The following STOX2 variants were observed in gnomAD, a reference collection of about 807,000 sequenced individuals.
STOX2 encodes the protein storkhead-box protein 2.
STOX2 carries 28 observed loss-of-function variants against 60.9 expected under a neutral mutation model. That is an observed-to-expected ratio of 0.46 (90% CI 0.34 to 0.63). STOX2 has a LOEUF of 0.63. Ranked by LOEUF, STOX2 falls within the 30% of genes least tolerant of loss-of-function variation. STOX2 has a pLI of 0.01. For missense variants in STOX2, 1,024 were observed against 1,187.7 expected, an observed-to-expected ratio of 0.86 and a Z score of 2.03; for synonymous variants, 472 against 463.9, an observed-to-expected ratio of 1.02 and a Z score of -0.22.
intron 1 of STOX2, among the ~76,000 whole-genome samples, chr4:183,829,703 C>T (rs1739521968): frequency 6.6e-6 from 1 of 152,198 alleles, no homozygotes; most frequent in African/African-American, 2.4e-5. Context: ...TGAGTCAATA[C>T]GTTCCCTGTA....
At chr4:183,951,493 C>G (rs962058649) in intron 1 of STOX2, among the ~76,000 whole-genome samples, 1 of 135,000 alleles carries the variant, frequency 7.4e-6, no homozygotes, top group Non-Finnish European at 1.6e-5. Flanking sequence ...TCTTGTTGCC[C>G]AGGCTGGAGT....
chr4:183,798,302 C>G (rs1738677334), intron 1 of STOX2, among the ~76,000 whole-genome samples: 1 of 151,026 alleles, frequency 6.6e-6, no homozygotes, highest in Non-Finnish European at 1.5e-5. Flanking sequence ...CCGCGGGAGC[C>G]TCCCCGGTGG....
chr4:183,800,668 C>G (rs2111090026), intron 1 of STOX2, among the ~76,000 whole-genome samples: 1 of 152,308 alleles, frequency 6.6e-6, no homozygotes, highest in African/African-American at 2.4e-5. Flanking sequence ...CAATAGTCCT[C>G]TGAAATAACT....
At chr4:183,859,169 T>A (rs536711212) in intron 1 of STOX2, among the ~76,000 whole-genome samples, 7 of 152,332 alleles carry the variant, frequency 4.6e-5, no homozygotes, top group Admixed American at 4.6e-4. Context: ...GATCCCACGG[T>A]GCCTTGCTCA....
intron 1 of STOX2, among the ~76,000 whole-genome samples, chr4:183,926,600 T>C (rs1476746813): frequency 6.6e-6 from 1 of 152,022 alleles, no homozygotes; most frequent in African/African-American, 2.4e-5. Flanking sequence ...TTCCAATGTA[T>C]AATTAGAGTA....
chr4:183,900,919 T>G (rs1367952181), upstream of STOX2, among the ~76,000 whole-genome samples: 1 of 152,222 alleles, frequency 6.6e-6, no homozygotes, highest in Non-Finnish European at 1.5e-5. Context: ...ACCATCTTAA[T>G]CATTTTTAAG....
intron 1 of STOX2, chr4:183,798,712 C>T: frequency 1.0e-6 from 1 of 985,396 alleles, no homozygotes; most frequent in Non-Finnish European, 1.2e-6. Context: ...GAAAAAAAAT[C>T]TGATCCTCAA....
Position 183,848,497 on chromosome 4 carries a change from T to C in STOX2, c.364+50442T>C, listed in dbSNP as rs139311516. 8.1e-3 allele frequency among the ~76,000 whole-genome samples: 1,228 copies of C among 152,240 alleles called. 13 individuals are homozygous for C. The highest frequency in any genetic ancestry group is 0.026 in the African/African-American group (1,064 of 41,538). On this transcript the variant is annotated intron_variant, in intron 1 of 2. Transcript: ENST00000513034. ...ATCCATCACTGGCCAAAAGAAGAGA[T>C]TACCATGACAAGTCTGTGATTCTTC...
intron 1 of STOX2, among the ~76,000 whole-genome samples, chr4:183,826,626 A>G (rs142684264): frequency 1.3e-5 from 2 of 152,342 alleles, no homozygotes; most frequent in Non-Finnish European, 2.9e-5. Context: ...GCCTGCTAGC[A>G]ATGTGGCCCT....
At chr4:183,832,022 T>C (rs1005336128) in intron 1 of STOX2, among the ~76,000 whole-genome samples, 17 of 149,998 alleles carry the variant, frequency 1.1e-4, no homozygotes, top group Middle Eastern at 3.4e-3. Context: ...AGAGTTTCAC[T>C]CTTGTTGCCT....
intron 1 of STOX2, among the ~76,000 whole-genome samples, chr4:183,940,624 A>C (rs771447901): frequency 1.1e-4 from 17 of 152,196 alleles, no homozygotes; most frequent in Middle Eastern, 3.2e-3. Context: ...TTGAAACTCG[A>C]AGATAAGCCA....
rs746157319 is a variant in STOX2 at position 184,011,172 on chromosome 4, T to A, written c.2334T>A (p.Asp778Glu). The A allele has an allele frequency of 1.7e-5, 27 of 1,587,262 alleles. No individual in the cohort carries two copies. The Middle Eastern group carries it at 6.7e-4, about 39-fold the overall frequency. Residue 778 changes from aspartate to glutamate, a missense_variant, in exon 3 of 4, where the codon GAT becomes GAA. By Grantham distance (45) the Asp-to-Glu change is conservative (BLOSUM62 2). Transcript: ENST00000308497. This position sits in a 1 kb window ranked among gnomAD's most constrained non-coding sequence, Gnocchi z 4.4. The stretch of plus-strand genomic sequence containing the variant: ...CTTTTGACTATTACAACGTCTCTGA[T>A]GATGACGACTCTGAGGAAGGGGCAA... ...EASFDYYNVS[D>E]DDDSEEGANK...
At chr4:183,815,588 A>C (rs1739136345) in intron 1 of STOX2, among the ~76,000 whole-genome samples, 1 of 152,238 alleles carries the variant, frequency 6.6e-6, no homozygotes, top group Non-Finnish European at 1.5e-5. Context: ...CAAGAGAGAA[A>C]ACTATAATTG....
chr4:183,870,508 C>A (rs1369182580), intron 1 of STOX2, among the ~76,000 whole-genome samples: 3 of 152,146 alleles, frequency 2.0e-5, no homozygotes, highest in Non-Finnish European at 4.4e-5. Flanking sequence ...CCATGAGTTG[C>A]CCTTTATAAT....
intron 1 of STOX2, among the ~76,000 whole-genome samples, chr4:183,969,281 T>C (rs1451373414): frequency 6.6e-6 from 1 of 152,066 alleles, no homozygotes; most frequent in Non-Finnish European, 1.5e-5. Context: ...AAAAGTAAAA[T>C]GTGGAAGGAA....
chr4:184,007,971 C>G (rs73010270), intron 2 of STOX2, among the ~76,000 whole-genome samples: 2,431 of 152,280 alleles, frequency 0.016, 70 homozygotes, highest in African/African-American at 0.056. Context: ...GTGGGGAGTG[C>G]ATAATTCAAC....
At chr4:183,917,052 C>T (rs1741952125) in intron 1 of STOX2, among the ~76,000 whole-genome samples, 1 of 152,212 alleles carries the variant, frequency 6.6e-6, no homozygotes, top group East Asian at 1.9e-4. Context: ...CAGGCCGTGG[C>T]TCGGGTCTGA....
intron 1 of STOX2, among the ~76,000 whole-genome samples, chr4:183,986,008 C>T (rs916099225): frequency 6.6e-6 from 1 of 151,912 alleles, no homozygotes; most frequent in African/African-American, 2.4e-5. Flanking sequence ...TGTTTGGAGG[C>T]GCTGGTGCTG....
Position 183,967,076 on chromosome 4 carries a change from A to C in STOX2, c.167-34249A>C, listed in dbSNP as rs183852328. 5.9e-5 allele frequency among the ~76,000 whole-genome samples: 9 copies of C among 152,270 alleles called. No individual in the cohort carries two copies. In the East Asian group the frequency reaches 1.7e-3, roughly 29 times the overall value. ...GTGGGAAGGGTAGGCATTAGAAGTGAGAGGGGCTGGGCACGGTGGCTCACG... is the reference window on the plus strand; with the variant it reads ...GTGGGAAGGGTAGGCATTAGAAGTGCGAGGGGCTGGGCACGGTGGCTCACG... On this transcript the variant is annotated intron_variant, in intron 1 of 3. Coordinates refer to ENST00000308497, the MANE Select transcript of STOX2 (RefSeq NM_020225.3).
Sources: allele counts gnomAD v4.1 joint callset (sites outside exome capture counted in the v4.1 genomes callset), GRCh38; gene constraint gnomAD v4.1.1; non-coding constraint Gnocchi (gnomAD v3.1); transcripts MANE v1.5; gene names NCBI Gene and HGNC (gene_info 2026-07-23, HGNC 2026-07-21).